Variants in CLIC5 observed in about 807,000 individuals in gnomAD.
CLIC5 encodes CLIC family member 5.
A neutral mutation model predicts 24.7 loss-of-function variants in CLIC5; 20 were observed. The ratio of observed to expected loss-of-function variants is 0.81; its 90% CI spans 0.57 to 1.18. The LOEUF (loss-of-function observed/expected upper bound fraction) is 1.18. CLIC5 is among the 50% of genes most tolerant of loss of function. The pLI is 0.00. For synonymous variants in CLIC5, 159 were observed against 135.6 expected (o/e 1.17, Z -1.20); for missense variants, 341 against 326.1 (o/e 1.05, Z -0.35).
At position 45,941,591 on chromosome 6, in the gene CLIC5, T is replaced by C. The variant is rs1294691358; in HGVS notation, c.362A>G (p.Lys121Arg). The C allele has an allele frequency of 2.5e-6, 4 of 1,613,914 alleles. No individual in the cohort carries two copies. Among genetic ancestry groups the C allele is most frequent in the Admixed American group, 3.3e-5 (2 of 60,006 alleles). ...SNTAGIDIFS[K>R]FSAYIKNTKQ... ...GGTATTTTTGATGTAGGCAGAAAAC[T>C]TGGAAAAGATGTCGATGCCCGCTGT... The change falls in exon 4 of 6, where the codon AAG becomes AGG. Residue 121 changes from lysine to arginine, a missense_variant. By Grantham distance (26) the Lys-to-Arg change is conservative (BLOSUM62 2). Transcript: ENST00000339561.
chr6:45,989,302 C>A (rs1384927190), intron 1 of CLIC5, among the ~76,000 whole-genome samples: 1 of 152,192 alleles, frequency 6.6e-6, no homozygotes, highest in Non-Finnish European at 1.5e-5. Flanking sequence ...TGACAATTAG[C>A]CTCAGCATCC....
At chr6:46,115,833 GC>G in the CLIC5 span, among the ~76,000 whole-genome samples, 1 of 152,208 alleles carries the variant, frequency 6.6e-6, no homozygotes, top group Non-Finnish European at 1.5e-5. Context: ...TGGCATTTAT[GC>G]CAGGTCAGAA....
chr6:46,036,526 G>A (rs1393553449), intron 1 of CLIC5, among the ~76,000 whole-genome samples: 1 of 152,010 alleles, frequency 6.6e-6, no homozygotes, highest in Non-Finnish European at 1.5e-5. Flanking sequence ...TAGCCAGAAT[G>A]GTCTCCTTCT....
intron 1 of CLIC5, among the ~76,000 whole-genome samples, chr6:46,024,249 T>A (rs1767266505): frequency 6.6e-6 from 1 of 152,178 alleles, no homozygotes; most frequent in Non-Finnish European, 1.5e-5. Context: ...GGGATCTACC[T>A]TCCTCCATTC....
the CLIC5 span, among the ~76,000 whole-genome samples, chr6:46,128,189 C>T: frequency 1.1e-4 from 17 of 152,188 alleles, 1 homozygote; most frequent in African/African-American, 4.1e-4. Flanking sequence ...TTCCTGACCA[C>T]TTTATCTTAC....
chr6:45,918,622 C>T (rs1763125114), intron 4 of CLIC5, among the ~76,000 whole-genome samples: 1 of 152,250 alleles, frequency 6.6e-6, no homozygotes, highest in South Asian at 2.1e-4. Flanking sequence ...ATGTGTGTTG[C>T]AGCAAAATAA....
chr6:46,029,371 T>C (rs144293388), intron 1 of CLIC5, among the ~76,000 whole-genome samples: 49 of 152,322 alleles, frequency 3.2e-4, no homozygotes, highest in African/African-American at 1.2e-3. Context: ...ACAGCAGTCC[T>C]GAGAGGTAGA....
intron 1 of CLIC5, among the ~76,000 whole-genome samples, chr6:45,966,793 G>A (rs919018610): frequency 6.6e-6 from 1 of 152,192 alleles, no homozygotes; most frequent in African/African-American, 2.4e-5. Context: ...ATTTTGAGTT[G>A]TTCAGGGCAT....
At chr6:46,000,373 C>T (rs1313513788) in intron 1 of CLIC5, among the ~76,000 whole-genome samples, 1 of 152,064 alleles carries the variant, frequency 6.6e-6, no homozygotes, top group African/African-American at 2.4e-5. Flanking sequence ...AGACACCCAC[C>T]GTGAGGGGAG....
chr6:45,974,220 T>G (rs566310187), intron 1 of CLIC5, among the ~76,000 whole-genome samples: 64 of 151,754 alleles, frequency 4.2e-4, no homozygotes, highest in Non-Finnish European at 8.2e-4. Flanking sequence ...TTTCTGTCCT[T>G]ATGCTCCCCT....
At chr6:45,889,305 T>C (rs183926549) in intron 6 of CLIC5, among the ~76,000 whole-genome samples, 1 of 152,262 alleles carries the variant, frequency 6.6e-6, no homozygotes, top group East Asian at 1.9e-4. Flanking sequence ...ATGTCTTTTT[T>C]TATAAGGGCA....
At chr6:45,920,070 C>T (rs1299717883) in intron 4 of CLIC5, 1 of 697,230 alleles carries the variant, frequency 1.4e-6, no homozygotes, top group African/African-American at 1.9e-5. Context: ...GCAAAATGTT[C>T]TCATTCCCCT....
chr6:46,054,523 GTGA>G (rs1768193645), intron 1 of CLIC5, among the ~76,000 whole-genome samples: 1 of 152,140 alleles, frequency 6.6e-6, no homozygotes, highest in Non-Finnish European at 1.5e-5. Context: ...CTATAAACGA[GTGA>G]TGATTTCCCA....
the CLIC5 span, among the ~76,000 whole-genome samples, chr6:46,090,953 C>A: frequency 6.6e-6 from 1 of 152,182 alleles, no homozygotes; most frequent in Non-Finnish European, 1.5e-5. Flanking sequence ...AGGCAAACAA[C>A]AAGCTGTTAT....
the CLIC5 span, among the ~76,000 whole-genome samples, chr6:46,100,942 G>C: frequency 1.3e-5 from 2 of 152,158 alleles, no homozygotes; most frequent in Non-Finnish European, 2.9e-5. Context: ...ACCAAAAACA[G>C]GTTATGGTTG....
chr6:46,060,491 T>C (rs1378603944), intron 1 of CLIC5, among the ~76,000 whole-genome samples: 2 of 152,174 alleles, frequency 1.3e-5, no homozygotes, highest in African/African-American at 2.4e-5. Context: ...TTTACATATA[T>C]AAACTCATTT....
chr6:45,990,611 C>A (rs1480446754), intron 1 of CLIC5, among the ~76,000 whole-genome samples: 3 of 152,110 alleles, frequency 2.0e-5, no homozygotes, highest in Admixed American at 6.6e-5. Flanking sequence ...TTCTGAAAAC[C>A]CCTGTTACAT....
At chr6:46,001,610 C>T (rs1176656335) in intron 1 of CLIC5, among the ~76,000 whole-genome samples, 2 of 152,176 alleles carry the variant, frequency 1.3e-5, no homozygotes, top group Non-Finnish European at 1.5e-5. Flanking sequence ...CCACAAGACC[C>T]AGGGCCTGGC....
chr6:46,082,515 T>C (rs1044261755), upstream of CLIC5, among the ~76,000 whole-genome samples: 4 of 152,144 alleles, frequency 2.6e-5, no homozygotes, highest in African/African-American at 9.7e-5. Context: ...CACTCTCCTA[T>C]ACCTGTTTTT....
Sources: allele counts gnomAD v4.1 joint callset (sites outside exome capture counted in the v4.1 genomes callset), GRCh38; gene constraint gnomAD v4.1.1; transcripts MANE v1.5; gene names NCBI Gene and HGNC (gene_info 2026-07-23, HGNC 2026-07-21).